The following PWWP2A variants were observed in gnomAD, a reference collection of about 807,000 sequenced individuals.
PWWP2A encodes the protein PWWP domain-containing protein 2A.
PWWP2A carries 18 observed loss-of-function variants against 48.5 expected under a neutral mutation model. That is an observed-to-expected ratio of 0.37 (90% CI 0.26 to 0.55). The LOEUF (loss-of-function observed/expected upper bound fraction) is 0.55. Ranked by LOEUF, PWWP2A falls within the 20% of genes least tolerant of loss-of-function variation. The pLI is 0.81. For missense variants in PWWP2A, 867 were observed against 976.4 expected (o/e 0.89, Z 1.49); for synonymous variants, 396 against 387.7 (o/e 1.02, Z -0.25).
intron 1 of PWWP2A, among the ~76,000 whole-genome samples, chr5:160,102,768 C>T (rs12188539): frequency 2.0e-5 from 3 of 152,046 alleles, no homozygotes; most frequent in African/African-American, 7.2e-5. Context: ...TGTGGTGTTC[C>T]GAGAACACAA....
chr5:160,097,299 C>G (rs185560631), intron 1 of PWWP2A, among the ~76,000 whole-genome samples: 1 of 127,414 alleles, frequency 7.8e-6, no homozygotes, highest in Non-Finnish European at 1.6e-5. Flanking sequence ...TTCGCGCTAT[C>G]GCACTCCAGC....
downstream of PWWP2A, among the ~76,000 whole-genome samples, chr5:160,061,023 C>A (rs980835268): frequency 3.3e-5 from 5 of 152,252 alleles, no homozygotes; most frequent in African/African-American, 1.2e-4. Context: ...GGATTACTAA[C>A]CCTGAAAACT....
chr5:160,093,550 G>A lies in PWWP2A; in HGVS notation c.1100C>T (p.Thr367Ile), dbSNP rs368798988. ...SVTTVNKKLK[T>I]DHKVDGKNQN... The stretch of plus-strand genomic sequence containing the variant: ...GTTTTTCCCATCCACTTTATGGTCA[G>A]TTTTCAGTTTTTTGTTCACAGTAGT... Residue 367 changes from threonine to isoleucine, a missense_variant, in exon 2 of 2, where the codon ACT becomes ATT. Physicochemically the swap from Thr to Ile is moderately conservative, Grantham distance 89. This residue lies in a region of PWWP2A where 382 missense variants were observed against 407.2 expected (regional missense o/e 0.94). Coordinates refer to ENST00000307063, the MANE Select transcript of PWWP2A (RefSeq NM_001130864.2). The surrounding 1 kb of genome is among the most constrained non-coding windows in gnomAD (Gnocchi z 5.8). 1.7e-5 allele frequency: 27 copies of A among 1,613,308 alleles called. No individual in the cohort carries two copies. The African/African-American group carries it at 3.5e-4, about 21-fold the overall frequency.
At chr5:160,103,117 A>G (rs1179968030) in intron 1 of PWWP2A, among the ~76,000 whole-genome samples, 1 of 152,230 alleles carries the variant, frequency 6.6e-6, no homozygotes, top group Non-Finnish European at 1.5e-5. Flanking sequence ...CAGGAAACAA[A>G]TTTATTTACA....
At chr5:160,091,167 C>A (rs769100740), downstream of PWWP2A, 243 of 973,626 alleles carry the variant, frequency 2.5e-4, no homozygotes, top group Non-Finnish European at 2.9e-4. Flanking sequence ...TGAGAATATA[C>A]TGATTCATCT....
the PWWP2A span, among the ~76,000 whole-genome samples, chr5:160,050,009 G>A: frequency 1.3e-5 from 2 of 152,166 alleles, no homozygotes; most frequent in African/African-American, 4.8e-5. Flanking sequence ...GAAGGCAGAG[G>A]TTGCAGTGAG....
the PWWP2A span, among the ~76,000 whole-genome samples, chr5:160,050,519 T>G: frequency 6.6e-6 from 1 of 152,156 alleles, no homozygotes; most frequent in African/African-American, 2.4e-5. Flanking sequence ...ACATCTGATA[T>G]GTATCCTTTC....
At chr5:160,114,311 C>A (rs1001348920) in intron 1 of PWWP2A, among the ~76,000 whole-genome samples, 1 of 151,892 alleles carries the variant, frequency 6.6e-6, no homozygotes, top group East Asian at 1.9e-4. Flanking sequence ...GCAGGAGGAT[C>A]ACTTGAGGTC....
intron 2 of PWWP2A, among the ~76,000 whole-genome samples, chr5:160,082,765 T>TA (rs374236445): frequency 6.6e-6 from 1 of 152,262 alleles, no homozygotes; most frequent in East Asian, 1.9e-4. Context: ...GGATATCCAT[T>TA]AGGAAGAGCC....
chr5:160,065,296 T>G (rs1005952184), intron 4 of PWWP2A: 6 of 682,278 alleles, frequency 8.8e-6, no homozygotes, highest in Middle Eastern at 2.4e-4. Flanking sequence ...GTGCAGCTGG[T>G]GTCCCCGATT....
the PWWP2A span, among the ~76,000 whole-genome samples, chr5:160,052,882 A>C: frequency 6.6e-6 from 1 of 152,366 alleles, no homozygotes; most frequent in South Asian, 2.1e-4. Context: ...TTCTAAAATG[A>C]ATTCACCTGC....
At chr5:160,113,376 A>T in intron 1 of PWWP2A, 1 of 971,644 alleles carries the variant, frequency 1.0e-6, no homozygotes, top group Non-Finnish European at 1.2e-6. Context: ...TCAAATGATT[A>T]CAAAAGCAGA....
chr5:160,091,192 TTTTCTTATCTCAGATAA>T, downstream of PWWP2A: 1 of 974,622 alleles, frequency 1.0e-6, no homozygotes, highest in Non-Finnish European at 1.2e-6. Flanking sequence ...TTATTTGAAG[TTTTCTTATCTCAGATAA>T]TATATTCCCT....
intron 1 of PWWP2A, among the ~76,000 whole-genome samples, chr5:160,104,264 C>A (rs1432457917): frequency 6.6e-6 from 1 of 151,738 alleles, no homozygotes; most frequent in African/African-American, 2.4e-5. Context: ...CACAGGGAGA[C>A]CCTGCCTCTA....
At chr5:160,110,972 CAA>C (rs1195225635) in intron 1 of PWWP2A, among the ~76,000 whole-genome samples, 18 of 54,122 alleles carry the variant, frequency 3.3e-4, no homozygotes, top group African/African-American at 8.6e-4. Context: ...GACTCTGTCT[CAA>C]AAAAAAAAAA....
intron 1 of PWWP2A, among the ~76,000 whole-genome samples, chr5:160,115,065 G>A (rs1184158333): frequency 1.3e-5 from 2 of 149,838 alleles, no homozygotes; most frequent in African/African-American, 4.9e-5. Context: ...TGAACCCGGT[G>A]GGGCGCAGAG....
chr5:160,119,298 G>T lies in PWWP2A; in HGVS notation c.91C>A (p.Pro31Thr). ...GEAEPEMEPIPGSEAGTDPLP... is the reference protein window; with the variant it reads ...GEAEPEMEPITGSEAGTDPLP... ...GGGTCAGTGCCGGCCTCACTGCCGG[G>T]GATGGGCTCCATCTCCGGCTCGGCC... Residue 31 changes from proline to threonine, a missense_variant, in exon 1 of 2, where the codon CCC becomes ACC. Pro to Thr is a conservative substitution (Grantham distance 38). This residue lies in a region of PWWP2A where 385 missense variants were observed against 396.9 expected (regional missense o/e 0.97). Transcript: ENST00000307063. 4 of 1,382,314 alleles carry T rather than the reference G, an allele frequency of 2.9e-6. No individual in the cohort carries two copies. Among genetic ancestry groups the T allele is most frequent in the Non-Finnish European group, 3.7e-6 (4 of 1,074,868 alleles). The allele number at this position is 1,382,314 out of a possible 1,614,324, so 85.6% of individuals were successfully genotyped here.
Position 160,078,726 on chromosome 5 carries a change from T to A in PWWP2A, c.1670-558A>T, listed in dbSNP as rs1238112686. Reference sequence around the variant, plus strand: ...GGAATGGAGGGTGCCTCCCCAGAAGTAGACACAGCACATCGGAAGGCATGA... The same window carrying A: ...GGAATGGAGGGTGCCTCCCCAGAAGAAGACACAGCACATCGGAAGGCATGA... On this transcript the variant is annotated intron_variant, in intron 3 of 3. Coordinates refer to the PWWP2A transcript ENST00000456329. This position sits in a 1 kb window ranked among gnomAD's most constrained non-coding sequence, Gnocchi z 4.2. Among the ~76,000 whole-genome samples, 1 of 152,090 alleles carries A rather than the reference T, an allele frequency of 6.6e-6. No homozygotes were observed. The highest frequency in any genetic ancestry group is 1.5e-5 in the Non-Finnish European group (1 of 68,008).
At chr5:160,067,938 C>A (rs552953806) in intron 2 of PWWP2A, among the ~76,000 whole-genome samples, 1 of 152,112 alleles carries the variant, frequency 6.6e-6, no homozygotes, top group Admixed American at 6.5e-5. Context: ...CTCAGAACTT[C>A]GGGAGGCCGA....
Sources: allele counts gnomAD v4.1 joint callset (sites outside exome capture counted in the v4.1 genomes callset), GRCh38; gene constraint gnomAD v4.1.1; regional missense constraint gnomAD v4.1.1; non-coding constraint Gnocchi (gnomAD v3.1); transcripts MANE v1.5; gene names NCBI Gene and HGNC (gene_info 2026-07-23, HGNC 2026-07-21).